The following FLYWCH1 variants were observed in gnomAD, a reference collection of about 807,000 sequenced individuals.
FLYWCH1 encodes the protein FLYWCH-type zinc finger 1.
A neutral mutation model predicts 66.4 loss-of-function variants in FLYWCH1; 75 were observed. The ratio of observed to expected loss-of-function variants is 1.13; its 90% confidence interval spans 0.94 to 1.37. The LOEUF is 1.37. Among genes scored for constraint, FLYWCH1 ranks in the 40% most tolerant of loss-of-function variants. FLYWCH1 has a pLI of 0.00. For synonymous variants in FLYWCH1, 595 were observed against 429.9 expected (o/e 1.38, Z -4.75); for missense variants, 1,334 against 1,001.8 (o/e 1.33, Z -4.48).
At chr16:2,928,011 CTG>C (rs2070632919) in intron 2 of FLYWCH1, among the ~76,000 whole-genome samples, 1 of 152,194 alleles carries the variant, frequency 6.6e-6, no homozygotes, top group Non-Finnish European at 1.5e-5. Context: ...GCAAAGGAAT[CTG>C]TATCATGAAG....
At position 2,930,139 on chromosome 16, in the gene FLYWCH1, C is replaced by G. The variant is rs2070710151; in HGVS notation, c.325+129C>G. 7 of 853,190 alleles carry G rather than the reference C, an allele frequency of 8.2e-6. No individual in the cohort carries two copies. In the South Asian group the frequency reaches 1.2e-4, roughly 15 times the overall value. The allele number at this position is 853,190 out of a possible 1,614,324, so 52.9% of individuals were successfully genotyped here. A position where few individuals can be genotyped will look rare whatever the true frequency, so the allele number is the denominator to read the frequency against. ...AAGCTCAGCCTCTTGGTCTCTGATC[C>G]TGAGCGTGTCCGAGGCTGGTGGGAT... On this transcript the variant is annotated intron_variant, in intron 3 of 9. Transcript: ENST00000253928.
At chr16:2,937,075 T>C (rs1182224529) in intron 6 of FLYWCH1, 46 bp from the exon 7 acceptor site, 1 of 1,544,528 alleles carries the variant, frequency 6.5e-7, no homozygotes, top group Non-Finnish European at 8.7e-7. Flanking sequence ...TGATCTGGGC[T>C]CTGAGAGCTG....
rs1290622352 is a variant in FLYWCH1, at chr16:2,912,110, C to T, written c.-232C>T. The T allele has an allele frequency of 1.3e-5, 2 of 152,330 alleles. No homozygotes were observed. The highest frequency in any genetic ancestry group is 4.8e-5 in the African/African-American group (2 of 41,576). The allele number at this position is 152,330 out of a possible 1,614,324, so 9.4% of individuals were successfully genotyped here. A position where few individuals can be genotyped will look rare whatever the true frequency, so the allele number is the denominator to read the frequency against. On this transcript the variant is annotated 5_prime_UTR_variant, in exon 1 of 10. Coordinates refer to ENST00000253928, the MANE Select transcript of FLYWCH1 (RefSeq NM_001308068.2). ...GCTGCAGCGGCAGAGGCTGAAGGAT[C>T]CGCCGCGGCGCTGTCGCGGGAGAGG...
chr16:2,937,766 C>A (rs1176000692), intron 7 of FLYWCH1, among the ~76,000 whole-genome samples: 1 of 152,118 alleles, frequency 6.6e-6, no homozygotes, highest in Admixed American at 6.5e-5. Flanking sequence ...CTCTGGCCAC[C>A]CCAACATCAT....
chr16:2,950,601 C>T lies in FLYWCH1; in HGVS notation c.*1874C>T, dbSNP rs897664074. On this transcript the variant is annotated 3_prime_UTR_variant, in exon 10 of 10. Coordinates refer to ENST00000253928, the MANE Select transcript of FLYWCH1 (RefSeq NM_001308068.2). ...CCTTGCCTCTGTGATGGGGCCTCCA[C>T]GGCCAGCATCTTCCCGCCATGGTCA... 7.9e-5 allele frequency: 12 copies of T among 152,400 alleles called. No individual in the cohort carries two copies. Among genetic ancestry groups the T allele is most frequent in the East Asian group, 1.9e-4 (1 of 5,204 alleles). 9.4% of individuals were successfully genotyped at this position (152,400 alleles called of 1,614,324 possible). A position where few individuals can be genotyped will look rare whatever the true frequency, so the allele number is the denominator to read the frequency against.
At chr16:2,938,618 T>C (rs10220923) in intron 8 of FLYWCH1, among the ~76,000 whole-genome samples, 162 bp downstream of exon 8, 11 of 113,066 alleles carry the variant, frequency 9.7e-5, no homozygotes, top group Non-Finnish European at 1.4e-4. Context: ...TTTTTTTTTT[T>C]TTTTTTTTTT....
chr16:2,938,544 T>A, intron 8 of FLYWCH1, 88 bp downstream of exon 8: 1 of 1,266,190 alleles, frequency 7.9e-7, no homozygotes, highest in Non-Finnish European at 1.0e-6. Context: ...AGGCACCCAC[T>A]GAGCAGACTG....
intron 2 of FLYWCH1, among the ~76,000 whole-genome samples, chr16:2,925,262 G>A (rs976031241): frequency 6.8e-4 from 103 of 152,332 alleles, no homozygotes; most frequent in African/African-American, 2.2e-3. Flanking sequence ...TCTCCAGAGG[G>A]CGGGGGCCTC....
At chr16:2,945,781 A>G (rs1349645495) in intron 9 of FLYWCH1, among the ~76,000 whole-genome samples, 1 of 152,074 alleles carries the variant, frequency 6.6e-6, no homozygotes, top group East Asian at 1.9e-4. Flanking sequence ...GCAGATCATG[A>G]GATCAGGAGA....
intron 2 of FLYWCH1, among the ~76,000 whole-genome samples, chr16:2,922,136 T>C (rs1253641968): frequency 6.6e-6 from 1 of 152,188 alleles, no homozygotes; most frequent in Admixed American, 6.5e-5. Context: ...GGGATAACTT[T>C]AGTTACTAGA....
rs542716341 is a variant in FLYWCH1 at position 2,920,368 on chromosome 16, A to G, written c.-74+6079A>G. ...CTACTAAAAATACAAAACAAAATTT[A>G]GCCATGTGTGGTTTCAGGTGCCTAT... On this transcript the variant is annotated intron_variant, in intron 2 of 9. Coordinates refer to ENST00000253928, the MANE Select transcript of FLYWCH1 (RefSeq NM_001308068.2). 2.6e-4 allele frequency among the ~76,000 whole-genome samples: 39 copies of G among 152,138 alleles called. 1 individual carries two copies. The South Asian group carries it at 7.7e-3, about 30-fold the overall frequency.
intron 6 of FLYWCH1, 65 bp downstream of exon 6, chr16:2,934,044 C>G (rs2070892935): frequency 1.4e-6 from 2 of 1,442,506 alleles, no homozygotes; most frequent in East Asian, 5.0e-5. Context: ...CTGCCTTTCC[C>G]TCTCCATGCT....
rs182787792 is a variant in FLYWCH1 at position 2,934,481 on chromosome 16, C to T, written c.1513+502C>T. On this transcript the variant is annotated intron_variant, in intron 6 of 9. Transcript: ENST00000253928. ...TCCCGGCTGTCTCCATCTTTATCCA[C>T]ACGGTCGGCCCCCCGCAGTGCCTGG... is the stretch of plus-strand genomic sequence containing the variant. The T allele has an allele frequency of 1.6e-3, 592 of 361,762 alleles. 6 individuals are homozygous for T. The highest frequency in any genetic ancestry group is 0.012 in the African/African-American group (563 of 46,952). 22.4% of individuals were successfully genotyped at this position (361,762 alleles called of 1,614,324 possible).
intron 2 of FLYWCH1, among the ~76,000 whole-genome samples, chr16:2,920,123 A>G (rs2070318040): frequency 6.6e-6 from 1 of 152,156 alleles, no homozygotes; most frequent in Non-Finnish European, 1.5e-5. Context: ...TAACATTCTG[A>G]AATAGTTTCT....
chr16:2,930,296 C>T (rs889466048), intron 3 of FLYWCH1, 114 bp from the exon 4 acceptor site: 6 of 681,766 alleles, frequency 8.8e-6, no homozygotes, highest in Non-Finnish European at 1.5e-5. Flanking sequence ...TGCTTGGGAG[C>T]AGGAGGAGAA....
In FLYWCH1 at chr16:2,928,058, T is replaced by C. The variant is rs923150583; in HGVS notation, c.-73-1555T>C. ...GAAAGGTACTGTGTCTGGATGTGCA[T>C]GTAGGCCAGATTTGTGTTTCACTTC... On this transcript the variant is annotated intron_variant, in intron 2 of 9. Coordinates refer to ENST00000253928, the MANE Select transcript of FLYWCH1 (RefSeq NM_001308068.2). Among the ~76,000 whole-genome samples the C allele has an allele frequency of 3.3e-5, 5 of 152,256 alleles. 1 individual carries two copies. The highest frequency in any genetic ancestry group is 3.3e-4 in the Admixed American group (5 of 15,288).
At chr16:2,930,321 T>G (rs1340381751) in intron 3 of FLYWCH1, 89 bp from the exon 4 acceptor site, 1 of 801,676 alleles carries the variant, frequency 1.2e-6, no homozygotes, top group Non-Finnish European at 1.9e-6. Context: ...CCTGCCATAC[T>G]CAGGATCCCC....
intron 2 of FLYWCH1, chr16:2,923,016 G>T (rs958612395): frequency 2.1e-6 from 1 of 467,634 alleles, no homozygotes. Context: ...ATCTTTTTTT[G>T]GGGGGGCTGT....
chr16:2,913,902 G>A (rs2070076065), intron 1 of FLYWCH1, among the ~76,000 whole-genome samples: 1 of 152,104 alleles, frequency 6.6e-6, no homozygotes, highest in South Asian at 2.1e-4. Context: ...CGAGGGGCAG[G>A]TCTCACTATG....
Sources: allele counts gnomAD v4.1 joint callset (sites outside exome capture counted in the v4.1 genomes callset), GRCh38; gene constraint gnomAD v4.1.1; transcripts MANE v1.5; gene names NCBI Gene and HGNC (gene_info 2026-07-23, HGNC 2026-07-21).